Variants in CSMD1 observed in about 807,000 individuals in gnomAD.
CSMD1 encodes the protein CUB and sushi domain-containing protein 1.
A neutral mutation model predicts 417.5 loss-of-function variants in CSMD1; 213 were observed. The observed-to-expected ratio is 0.51, with a 90% CI of 0.46 to 0.57. The LOEUF is 0.57. Among genes scored for constraint, CSMD1 ranks in the 20% least tolerant of loss-of-function variants. The pLI, the probability that CSMD1 is intolerant of heterozygous loss-of-function variation, is 0.00. For synonymous variants in CSMD1, 2,862 were observed against 1,736.8 expected, an observed-to-expected ratio of 1.65 and a Z score of -16.11; for missense variants, 6,923 against 4,529.7, an observed-to-expected ratio of 1.53 and a Z score of -15.17.
chr8:3,618,206 A>G (rs1802240694), intron 7 of CSMD1, among the ~76,000 whole-genome samples: 1 of 152,094 alleles, frequency 6.6e-6, no homozygotes, highest in African/African-American at 2.4e-5. Context: ...GAGTCTCACT[A>G]TGTTTCCCAG....
At chr8:4,475,867 G>A (rs866580870) in intron 2 of CSMD1, among the ~76,000 whole-genome samples, 1 of 151,932 alleles carries the variant, frequency 6.6e-6, no homozygotes, top group Non-Finnish European at 1.5e-5. Flanking sequence ...CCTGCCTTAC[G>A]CTCCGAAAGT....
At chr8:3,496,366 C>T (rs893908020) in intron 10 of CSMD1, among the ~76,000 whole-genome samples, 51 of 152,162 alleles carry the variant, frequency 3.4e-4, no homozygotes, top group African/African-American at 1.2e-3. Context: ...TGAGGGCAGA[C>T]ACCATGTGGC....
chr8:4,292,528 A>G (rs562269293), intron 3 of CSMD1, among the ~76,000 whole-genome samples: 36 of 152,256 alleles, frequency 2.4e-4, no homozygotes, highest in African/African-American at 8.4e-4. Flanking sequence ...CTGGGATTAC[A>G]GCCCAGGCGT....
intron 36 of CSMD1, among the ~76,000 whole-genome samples, chr8:3,182,828 C>CTGGCTG (rs1821459486): frequency 4.0e-5 from 1 of 25,300 alleles, no homozygotes; most frequent in African/African-American, 9.9e-5. Flanking sequence ...CTCTGGCTGT[C>CTGGCTG]TCTTTATAAG....
At chr8:2,958,463 T>TTACCTGTA (rs1405920663) in intron 62 of CSMD1, among the ~76,000 whole-genome samples, 3 of 152,216 alleles carry the variant, frequency 2.0e-5, no homozygotes, top group African/African-American at 7.2e-5. Flanking sequence ...TGTCCTGGAA[T>TTACCTGTA]TACCTGTATA....
intron 3 of CSMD1, among the ~76,000 whole-genome samples, chr8:4,406,167 G>T (rs1805004223): frequency 6.6e-6 from 1 of 152,170 alleles, no homozygotes; most frequent in African/African-American, 2.4e-5. Context: ...TTAGAATTTA[G>T]ATATGCTGAG....
chr8:3,300,454 G>A (rs902353545), intron 25 of CSMD1, among the ~76,000 whole-genome samples: 4 of 151,976 alleles, frequency 2.6e-5, no homozygotes, highest in African/African-American at 9.7e-5. Flanking sequence ...ATAATGAGTG[G>A]ACAAAATAGT....
chr8:3,783,121 G>A (rs190796822), intron 5 of CSMD1, among the ~76,000 whole-genome samples: 1 of 152,204 alleles, frequency 6.6e-6, no homozygotes, highest in East Asian at 1.9e-4. Context: ...CCCTTCTCGG[G>A]ATTTATCCAG....
At chr8:3,344,640 C>G (rs545000232) in intron 22 of CSMD1, among the ~76,000 whole-genome samples, 1 of 152,240 alleles carries the variant, frequency 6.6e-6, no homozygotes, top group Admixed American at 6.5e-5. Flanking sequence ...GGTACCCTAA[C>G]TAAATAAAAT....
intron 4 of CSMD1, among the ~76,000 whole-genome samples, chr8:4,001,353 G>T (rs1187352139): frequency 6.6e-6 from 1 of 152,170 alleles, no homozygotes; most frequent in East Asian, 1.9e-4. Context: ...CCACCCTGCA[G>T]CCATTAGCCC....
At chr8:4,530,576 T>C (rs1796760455) in intron 2 of CSMD1, among the ~76,000 whole-genome samples, 1 of 151,278 alleles carries the variant, frequency 6.6e-6, no homozygotes, top group Non-Finnish European at 1.5e-5. Context: ...CTCCCACTTA[T>C]GAGTGAGGAA....
At chr8:3,959,763 T>TTCC (rs1446150688) in intron 5 of CSMD1, among the ~76,000 whole-genome samples, 1 of 152,214 alleles carries the variant, frequency 6.6e-6, no homozygotes, top group Non-Finnish European at 1.5e-5. Flanking sequence ...TAGGTATGTC[T>TTCC]TCAGTTTTGT....
chr8:4,926,758 A>G (rs973280476), intron 1 of CSMD1, among the ~76,000 whole-genome samples: 1 of 152,116 alleles, frequency 6.6e-6, no homozygotes, highest in East Asian at 1.9e-4. Context: ...TTTTAAATTC[A>G]CCAATGCTTT....
At chr8:4,392,637 G>C (rs77657380) in intron 3 of CSMD1, among the ~76,000 whole-genome samples, 33 of 151,438 alleles carry the variant, frequency 2.2e-4, no homozygotes, top group Non-Finnish European at 4.0e-4. Context: ...GGGGTTTTTT[G>C]GGGGGGAGGG....
chr8:3,085,124 T>C (rs1814428069), intron 49 of CSMD1, among the ~76,000 whole-genome samples: 4 of 152,140 alleles, frequency 2.6e-5, no homozygotes, highest in Admixed American at 2.0e-4. Context: ...ACTTTAACAA[T>C]GGTCAGGCTC....
intron 10 of CSMD1, among the ~76,000 whole-genome samples, chr8:3,542,058 T>C (rs917983603): frequency 1.3e-5 from 2 of 152,156 alleles, no homozygotes; most frequent in Admixed American, 6.5e-5. Flanking sequence ...CTTCCACCTA[T>C]GTGCACCCGT....
chr8:3,071,451 T>C (rs889615752), intron 49 of CSMD1, among the ~76,000 whole-genome samples: 1 of 152,090 alleles, frequency 6.6e-6, no homozygotes, highest in Non-Finnish European at 1.5e-5. Flanking sequence ...CAAACCACCA[T>C]GGCACATGTA....
intron 10 of CSMD1, among the ~76,000 whole-genome samples, chr8:3,530,945 C>T (rs1797954989): frequency 6.6e-6 from 1 of 151,438 alleles, no homozygotes; most frequent in South Asian, 2.1e-4. Flanking sequence ...CTCCACCTCC[C>T]AGGTTCAAGC....
At chr8:4,079,795 T>C (rs1297530876) in intron 3 of CSMD1, among the ~76,000 whole-genome samples, 1 of 152,108 alleles carries the variant, frequency 6.6e-6, no homozygotes, top group Non-Finnish European at 1.5e-5. Flanking sequence ...TTCATCAGGT[T>C]AGTAGCAGGG....
Sources: allele counts gnomAD v4.1 joint callset (sites outside exome capture counted in the v4.1 genomes callset), GRCh38; gene constraint gnomAD v4.1.1; transcripts MANE v1.5; gene names NCBI Gene and HGNC (gene_info 2026-07-23, HGNC 2026-07-21).